Variants in ITIH2 observed in about 807,000 individuals in gnomAD.
ITIH2 encodes inter-alpha-trypsin inhibitor heavy chain 2.
ITIH2 carries 103 observed loss-of-function variants against 104.4 expected under a neutral mutation model. The ratio of observed to expected loss-of-function variants is 0.99; its 90% CI spans 0.84 to 1.16. ITIH2 has a LOEUF of 1.16. ITIH2 is among the 50% of genes most tolerant of loss of function. The pLI, the probability that ITIH2 is intolerant of heterozygous loss-of-function variation, is 0.00. For missense variants in ITIH2, 1,108 were observed against 1,162.4 expected (o/e 0.95, Z 0.68); for synonymous variants, 436 against 435.4 (o/e 1.00, Z -0.02).
chr10:7,742,671 G>A (rs540848015), intron 16 of ITIH2, among the ~76,000 whole-genome samples: 3 of 152,268 alleles, frequency 2.0e-5, no homozygotes, highest in African/African-American at 7.2e-5. Context: ...TTGAGCCTTG[G>A]AGGTCAAGGC....
intron 14 of ITIH2, among the ~76,000 whole-genome samples, chr10:7,732,921 G>C (rs932676821): frequency 6.6e-6 from 1 of 151,994 alleles, no homozygotes; most frequent in South Asian, 2.1e-4. Flanking sequence ...TAGAGACGGG[G>C]TTTCACCATG....
At chr10:7,707,169 T>C (rs964721374) in intron 2 of ITIH2, 32 bp from the exon 3 acceptor site, 1 of 1,561,894 alleles carries the variant, frequency 6.4e-7, no homozygotes, top group Non-Finnish European at 8.8e-7. Flanking sequence ...TGACATACAG[T>C]TGAAGAATGA....
chr10:7,729,993 A>G lies in ITIH2; in HGVS notation c.1321A>G (p.Asn441Asp), dbSNP rs759996184. The change falls in exon 12 of 21, where the codon AAC becomes GAC. Residue 441 changes from asparagine to aspartate, a missense_variant. Physicochemically the swap from Asn to Asp is conservative, Grantham distance 23. Transcript: ENST00000358415. Reference sequence around the variant, plus strand: ...AAAAATTCAGAAAAACGTTAAGGAGAACATCCAAGACAATATCTCCTTGTT... The same window carrying G: ...AAAAATTCAGAAAAACGTTAAGGAGGACATCCAAGACAATATCTCCTTGTT... ...LSKIQKNVKENIQDNISLFSL... is the reference protein window; with the variant it reads ...LSKIQKNVKEDIQDNISLFSL... The G allele has an allele frequency of 2.5e-6, 4 of 1,609,894 alleles. No individual in the cohort carries two copies. In the Admixed American group the frequency reaches 6.8e-5, roughly 27 times the overall value.
In ITIH2 at chr10:7,727,785, C is replaced by G. The variant is rs138692753; in HGVS notation, c.1236C>G (p.Ser412=). 1 of 1,614,056 alleles carries G rather than the reference C, an allele frequency of 6.2e-7. No homozygotes were observed. The highest frequency in any genetic ancestry group is 1.3e-5 in the African/African-American group (1 of 74,934). ...ANNLGLLDPN[S]VSLIILVSDG... The stretch of plus-strand genomic sequence containing the variant: ...ACTTGGGACTGTTAGACCCCAACTC[C>G]GTCTCGCTGATCATTTTGGTTTCTG... The change falls in exon 11 of 21, where the codon TCC becomes TCG. Residue 412 remains serine (S), a synonymous_variant. Coordinates refer to ENST00000358415, the MANE Select transcript of ITIH2 (RefSeq NM_002216.3).
chr10:7,721,202 A>C (rs1275973606), intron 7 of ITIH2, among the ~76,000 whole-genome samples: 1 of 152,178 alleles, frequency 6.6e-6, no homozygotes, highest in Non-Finnish European at 1.5e-5. Context: ...CCCGTCAGTC[A>C]CCTGCTTAAC....
rs1198770459 is a variant in ITIH2 at position 7,732,461 on chromosome 10, C to T, written c.1771C>T (p.Gln591Ter). The change falls in exon 14 of 21, where the codon CAA (glutamine) becomes TAA (stop). Residue 591 changes from glutamine (Q) to a stop codon, truncating the protein, a stop_gained. Transcript: ENST00000358415. LOFTEE classifies it high-confidence loss of function. ...RKLWAYLTIN[Q>*]LLAERSLAPT... is the part of the protein sequence containing the mutation. ...ACTGTGGGCCTATCTAACCATCAACCAACTGCTAGCTGAACGGTAAGAAGA... is the reference window on the plus strand; with the variant it reads ...ACTGTGGGCCTATCTAACCATCAACTAACTGCTAGCTGAACGGTAAGAAGA... 6 of 1,613,728 alleles carry T rather than the reference C, an allele frequency of 3.7e-6. No homozygotes were observed. Among genetic ancestry groups the T allele is most frequent in the Admixed American group, 1.7e-5 (1 of 60,006 alleles).
chr10:7,727,794 G>C lies in ITIH2; in HGVS notation c.1245G>C (p.Leu415=), dbSNP rs1355042786. 3.1e-6 allele frequency: 5 copies of C among 1,614,040 alleles called. No individual in the cohort carries two copies. The African/African-American group carries it at 6.7e-5, about 22-fold the overall frequency. Residue 415 remains leucine, a synonymous_variant, in exon 11 of 21, where the codon CTG becomes CTC. Transcript: ENST00000358415. ...LGLLDPNSVS[L]IILVSDGDPT... ...TGTTAGACCCCAACTCCGTCTCGCTGATCATTTTGGTTTCTGATGGAGATC... is the reference window on the plus strand; with the variant it reads ...TGTTAGACCCCAACTCCGTCTCGCTCATCATTTTGGTTTCTGATGGAGATC...
rs1271086546 is a variant in ITIH2, at chr10:7,744,964, G to A, written c.2581+1G>A. 6.2e-7 allele frequency: 1 copy of A among 1,612,682 alleles called. No individual in the cohort carries two copies. The highest frequency in any genetic ancestry group is 2.2e-5 in the East Asian group (1 of 44,870). ...TCACCTAAAGCCCACGGACTAATAG[G>A]TAAAGTGTCTATTGACCATCTGACA... On this transcript the variant is annotated splice_donor_variant, in intron 19 of 20. Coordinates refer to ENST00000358415, the MANE Select transcript of ITIH2 (RefSeq NM_002216.3). LOFTEE classifies it high-confidence loss of function.
At chr10:7,723,979 A>G (rs1180093725) in intron 9 of ITIH2, among the ~76,000 whole-genome samples, 5 of 152,146 alleles carry the variant, frequency 3.3e-5, no homozygotes, top group African/African-American at 1.2e-4. Flanking sequence ...ATATCTTGTC[A>G]TTGTCCACAT....
intron 10 of ITIH2, 145 bp downstream of exon 10, chr10:7,727,263 A>T: frequency 1.5e-6 from 1 of 677,746 alleles, no homozygotes; most frequent in Non-Finnish European, 2.5e-6. Flanking sequence ...GTAATGGATG[A>T]ATGCTAAGTT....
rs1835211412 is a variant in ITIH2 at position 7,749,074 on chromosome 10, G to A, written c.2694-113G>A. On this transcript the variant is annotated intron_variant, in intron 20 of 20. Transcript: ENST00000358415. ...ATGACTTGGGGAGCAGCGATAGGTG[G>A]GGGGCGGCAGATGTGGTGACAGAAG... 5.9e-6 allele frequency: 6 copies of A among 1,018,922 alleles called. No homozygotes were observed. In the Admixed American group the frequency reaches 1.2e-4, roughly 21 times the overall value. The allele number at this position is 1,018,922 out of a possible 1,614,324, so 63.1% of individuals were successfully genotyped here. A position where few individuals can be genotyped will look rare whatever the true frequency, so the allele number is the denominator to read the frequency against.
intron 20 of ITIH2, among the ~76,000 whole-genome samples, chr10:7,748,633 C>A (rs1835204476): frequency 6.9e-6 from 1 of 144,116 alleles, no homozygotes; most frequent in Non-Finnish European, 1.5e-5. Context: ...CCTCCACCTC[C>A]TGGGTTCAAG....
chr10:7,730,151 T>C lies in ITIH2; in HGVS notation c.1461+18T>C. On this transcript the variant is annotated intron_variant, in intron 12 of 20. Coordinates refer to ENST00000358415, the MANE Select transcript of ITIH2 (RefSeq NM_002216.3). ...AGCTTAAGGTAACATTTTCTTCTGT[T>C]CTTTTTTTATTCTTCACTGGAAATC... The C allele has an allele frequency of 6.4e-7, 1 of 1,559,222 alleles. No individual in the cohort carries two copies. Among genetic ancestry groups the C allele is most frequent in the Non-Finnish European group, 8.7e-7 (1 of 1,146,826 alleles).
At chr10:7,721,171 T>A (rs1834899235) in intron 7 of ITIH2, among the ~76,000 whole-genome samples, 2 of 152,176 alleles carry the variant, frequency 1.3e-5, no homozygotes, top group South Asian at 2.1e-4. Context: ...CCAGAGATTG[T>A]CCCTTTTTGA....
intron 20 of ITIH2, among the ~76,000 whole-genome samples, chr10:7,747,936 T>G (rs1835195242): frequency 1.3e-5 from 2 of 151,750 alleles, no homozygotes; most frequent in Admixed American, 1.3e-4. Context: ...CCAGGCGCAG[T>G]GGCTCACGCC....
At chr10:7,725,266 G>T (rs1834941746) in intron 9 of ITIH2, among the ~76,000 whole-genome samples, 1 of 152,192 alleles carries the variant, frequency 6.6e-6, no homozygotes, top group Non-Finnish European at 1.5e-5. Flanking sequence ...CATCTAAATA[G>T]GTGGTTTCCT....
chr10:7,735,674 CTTTTTTTTTTT>C lies in ITIH2; in HGVS notation c.1957+589_1957+599del, dbSNP rs35122608. ...TTTTTCTTTTCTTTTCTTTTCTTTT[CTTTTTTTTTTT>C]TTTTTGAGACAGAGTCTTGCTCTGT... On this transcript the variant is annotated intron_variant, in intron 15 of 20. Transcript: ENST00000358415. Among the ~76,000 whole-genome samples, 4 of 130,560 alleles carry C rather than the reference CTTTTTTTTTTT, an allele frequency of 3.1e-5. No homozygotes were observed. In the South Asian group the frequency reaches 9.6e-4, roughly 31 times the overall value. The allele number at this position is 130,560 out of a possible 152,430, so 85.7% of individuals were successfully genotyped here.
At chr10:7,729,090 G>A (rs532980355) in intron 11 of ITIH2, among the ~76,000 whole-genome samples, 1 of 152,150 alleles carries the variant, frequency 6.6e-6, no homozygotes, top group African/African-American at 2.4e-5. Flanking sequence ...GAGGTGGGTG[G>A]ATCACCTGAG....
chr10:7,714,366 G>A (rs1009066720), intron 5 of ITIH2, among the ~76,000 whole-genome samples: 1 of 151,794 alleles, frequency 6.6e-6, no homozygotes, highest in African/African-American at 2.4e-5. Flanking sequence ...TAGAGACGGG[G>A]TTTCACCGTG....
Sources: allele counts gnomAD v4.1 joint callset (sites outside exome capture counted in the v4.1 genomes callset), GRCh38; gene constraint gnomAD v4.1.1; transcripts MANE v1.5; gene names NCBI Gene and HGNC (gene_info 2026-07-23, HGNC 2026-07-21).